The following CHST11 variants were observed in gnomAD, a reference collection of about 807,000 sequenced individuals.
CHST11 encodes the protein carbohydrate sulfotransferase 11.
A neutral mutation model predicts 30.4 loss-of-function variants in CHST11; 9 were observed. That is an observed-to-expected ratio of 0.30 (90% CI 0.18 to 0.52). CHST11 has a LOEUF of 0.52. Ranked by LOEUF, CHST11 falls within the 20% of genes least tolerant of loss-of-function variation. CHST11 has a pLI of 0.97. For missense variants in CHST11, 348 were observed against 460.6 expected (o/e 0.76, Z 2.24); for synonymous variants, 152 against 187.8 (o/e 0.81, Z 1.56).
At chr12:104,666,033 T>C (rs2039639647) in intron 2 of CHST11, among the ~76,000 whole-genome samples, 1 of 152,046 alleles carries the variant, frequency 6.6e-6, no homozygotes, top group African/African-American at 2.4e-5. Flanking sequence ...TTGGCCAGGA[T>C]GGTCTTGATC....
intron 2 of CHST11, among the ~76,000 whole-genome samples, chr12:104,734,929 C>T (rs75463746): frequency 1.2e-4 from 19 of 152,336 alleles, no homozygotes; most frequent in Admixed American, 3.3e-4. Flanking sequence ...GTGTTGTTTA[C>T]GTGAACCCTG....
intron 1 of CHST11, among the ~76,000 whole-genome samples, chr12:104,516,746 A>C (rs941159628): frequency 2.0e-5 from 3 of 151,866 alleles, no homozygotes; most frequent in African/African-American, 7.3e-5. Context: ...GGGCATGCTG[A>C]ATTAAAGGCA....
intron 2 of CHST11, among the ~76,000 whole-genome samples, chr12:104,695,019 A>G (rs1160900998): frequency 6.6e-6 from 1 of 152,172 alleles, no homozygotes; most frequent in Non-Finnish European, 1.5e-5. Context: ...TCCTTGAGTC[A>G]GCTGTTGAGA....
intron 1 of CHST11, among the ~76,000 whole-genome samples, chr12:104,574,697 T>C (rs1017788044): frequency 5.7e-5 from 8 of 139,926 alleles, no homozygotes; most frequent in African/African-American, 2.1e-4. Context: ...CATCACACAC[T>C]GGGGTCTGTT....
chr12:104,506,559 G>A (rs939285472), intron 1 of CHST11, among the ~76,000 whole-genome samples: 1 of 152,182 alleles, frequency 6.6e-6, no homozygotes, highest in Non-Finnish European at 1.5e-5. Flanking sequence ...CGATTCATTA[G>A]GGCCAGGATG....
At chr12:104,559,673 G>T (rs562603334) in intron 1 of CHST11, among the ~76,000 whole-genome samples, 2 of 152,294 alleles carry the variant, frequency 1.3e-5, no homozygotes, top group East Asian at 1.9e-4. Context: ...AACCTGGGAG[G>T]CAGAGGTTGC....
chr12:104,660,258 A>G (rs1260771995), intron 2 of CHST11, among the ~76,000 whole-genome samples: 1 of 152,186 alleles, frequency 6.6e-6, no homozygotes, highest in Non-Finnish European at 1.5e-5. Flanking sequence ...TCTCCTGGGT[A>G]CCACGCCAGG....
chr12:104,640,676 G>A (rs1356451258), intron 2 of CHST11, among the ~76,000 whole-genome samples: 1 of 152,136 alleles, frequency 6.6e-6, no homozygotes, highest in Non-Finnish European at 1.5e-5. Flanking sequence ...TTTAATGGTG[G>A]ATACATGACA....
intron 1 of CHST11, among the ~76,000 whole-genome samples, chr12:104,563,933 AG>A (rs1360552787): frequency 6.6e-6 from 1 of 151,942 alleles, no homozygotes; most frequent in Non-Finnish European, 1.5e-5. Flanking sequence ...GCCTGCTCTT[AG>A]TTACCCTCTG....
At chr12:104,481,418 A>C (rs934412952) in intron 1 of CHST11, among the ~76,000 whole-genome samples, 6 of 152,156 alleles carry the variant, frequency 3.9e-5, no homozygotes, top group Non-Finnish European at 5.9e-5. Context: ...GGAATAAGTT[A>C]TCACTTAAAA....
At chr12:104,585,469 G>A (rs995625963) in intron 1 of CHST11, among the ~76,000 whole-genome samples, 1 of 152,200 alleles carries the variant, frequency 6.6e-6, no homozygotes, top group Non-Finnish European at 1.5e-5. Context: ...TTAGAAATGG[G>A]AACTAATTAT....
At chr12:104,689,810 C>T (rs900098433) in intron 2 of CHST11, among the ~76,000 whole-genome samples, 2 of 152,142 alleles carry the variant, frequency 1.3e-5, no homozygotes, top group Non-Finnish European at 2.9e-5. Flanking sequence ...TCTCCTTCCC[C>T]CTCCCAATAC....
chr12:104,670,466 C>CTGA (rs1190401231), intron 2 of CHST11, among the ~76,000 whole-genome samples: 3 of 49,546 alleles, frequency 6.1e-5, no homozygotes, highest in African/African-American at 4.1e-4. Context: ...TGCATATGTT[C>CTGA]AGACCCACAC....
intron 2 of CHST11, among the ~76,000 whole-genome samples, chr12:104,706,158 C>T (rs187702788): frequency 3.1e-4 from 47 of 151,396 alleles, no homozygotes; most frequent in African/African-American, 1.1e-3. Flanking sequence ...CCGAGGCGGG[C>T]AGATCACCTG....
intron 2 of CHST11, among the ~76,000 whole-genome samples, chr12:104,659,221 G>A (rs901746155): frequency 2.6e-5 from 4 of 152,216 alleles, no homozygotes; most frequent in African/African-American, 9.7e-5. Context: ...TTGACTAGCT[G>A]TGTGACTTTG....
intron 1 of CHST11, among the ~76,000 whole-genome samples, chr12:104,471,492 A>C (rs1229485837): frequency 6.6e-6 from 1 of 152,210 alleles, no homozygotes; most frequent in African/African-American, 2.4e-5. Context: ...CAAAAAGTGA[A>C]CAACTGTCAA....
intron 2 of CHST11, among the ~76,000 whole-genome samples, chr12:104,622,380 G>A: frequency 6.6e-6 from 1 of 152,072 alleles, no homozygotes; most frequent in South Asian, 2.1e-4. Context: ...GGAATTAATG[G>A]TGTTATATTT....
intron 1 of CHST11, among the ~76,000 whole-genome samples, chr12:104,509,902 G>C (rs1475504773): frequency 1.3e-5 from 2 of 152,218 alleles, no homozygotes; most frequent in African/African-American, 4.8e-5. Context: ...GAATAGCTTA[G>C]AGTAGGTGTT....
chr12:104,654,954 C>T (rs1373328707), intron 2 of CHST11, among the ~76,000 whole-genome samples: 1 of 152,230 alleles, frequency 6.6e-6, no homozygotes, highest in East Asian at 1.9e-4. Context: ...AAACTTGAAG[C>T]ATCTGGTCCT....
Sources: allele counts gnomAD v4.1 joint callset (sites outside exome capture counted in the v4.1 genomes callset), GRCh38; gene constraint gnomAD v4.1.1; transcripts MANE v1.5; gene names NCBI Gene and HGNC (gene_info 2026-07-23, HGNC 2026-07-21).